DOLK: variants seen among roughly 807,000 people sequenced by gnomAD.
DOLK encodes the protein SEC59 homolog.
Under a neutral mutation model 31.7 loss-of-function variants are expected in DOLK, and 20 were observed. That is an observed-to-expected ratio of 0.63 (90% CI 0.44 to 0.92). The LOEUF (loss-of-function observed/expected upper bound fraction) is 0.92, where lower values mean the gene tolerates loss of function less well. Ranked by LOEUF, DOLK falls within the 40% of genes least tolerant of loss-of-function variation. The pLI is 0.00. For synonymous variants in DOLK, 309 were observed against 287.0 expected (o/e 1.08, Z -0.77); for missense variants, 594 against 680.7 (o/e 0.87, Z 1.42).
Position 128,946,667 on chromosome 9 carries a change from G to A in DOLK, c.637C>T (p.Leu213=). The change falls in exon 1 of 1, where the codon CTG becomes TTG. Residue 213 remains leucine (L), a synonymous_variant. Transcript: ENST00000372586. ...FVLNQLIKRS[L]TLVESQGDPV... ...TCCCCCTGACTTTCCACCAGTGTCAGAGAGCGCTTGATGAGCTGGTTGAGG... is the reference window on the plus strand; with the variant it reads ...TCCCCCTGACTTTCCACCAGTGTCAAAGAGCGCTTGATGAGCTGGTTGAGG... The A allele has an allele frequency of 3.1e-6, 5 of 1,614,138 alleles. No homozygotes were observed. Among genetic ancestry groups the A allele is most frequent in the Non-Finnish European group, 4.2e-6 (5 of 1,180,014 alleles).
chr9:128,946,264 G>A lies in DOLK; in HGVS notation c.1040C>T (p.Thr347Ile). ...RKYFHLIVVA[T>I]YIPGIIFDRP... Reference sequence around the variant, plus strand: ...GTCAAAGATGATACCTGGGATGTAGGTGGCTACCACAATGAGGTGGAAATA... The same window carrying A: ...GTCAAAGATGATACCTGGGATGTAGATGGCTACCACAATGAGGTGGAAATA... The change falls in exon 1 of 1, where the codon ACC becomes ATC. Residue 347 changes from threonine (T) to isoleucine (I), a missense_variant. Thr to Ile is a moderately conservative substitution (Grantham distance 89). Coordinates refer to ENST00000372586, the MANE Select transcript of DOLK (RefSeq NM_014908.4). The A allele has an allele frequency of 1.9e-6, 3 of 1,614,144 alleles. No individual in the cohort carries two copies. Among genetic ancestry groups the A allele is most frequent in the South Asian group, 1.1e-5 (1 of 91,086 alleles).
In DOLK at chr9:128,946,145, T is replaced by C. The variant is rs747285047; in HGVS notation, c.1159A>G (p.Thr387Ala). The C allele has an allele frequency of 5.6e-6, 9 of 1,613,810 alleles. No homozygotes were observed. Among genetic ancestry groups the C allele is most frequent in the Admixed American group, 5.0e-5 (3 of 59,964 alleles). ...AAAAGGGACAGGAAGCTCCGTAGAG[T>C]GTGACCCAAAGGCTTGATGCGGAAG... ...RYFRIKPLGH[T>A]LRSFLSLFLD... Residue 387 changes from threonine to alanine, a missense_variant, in exon 1 of 1, where the codon ACT (threonine) becomes GCT (alanine). By Grantham distance (58) the Thr-to-Ala change is moderately conservative (BLOSUM62 0). Transcript: ENST00000372586.
rs1242638210 is a variant in DOLK, at chr9:128,946,913, C to T, written c.391G>A (p.Gly131Ser). The change falls in exon 1 of 1, where the codon GGC (glycine) becomes AGC (serine). Residue 131 changes from glycine to serine, a missense_variant. By Grantham distance (56) the Gly-to-Ser change is moderately conservative. Transcript: ENST00000372586. ...VALFSSVLAL[G>S]ITRPVPTNTC... Reference sequence around the variant, plus strand: ...TTGGTTGGCACTGGGCGAGTGATGCCGAGCGCCAACACTGATGAGAAGAGG... The same window carrying T: ...TTGGTTGGCACTGGGCGAGTGATGCTGAGCGCCAACACTGATGAGAAGAGG... 10 of 1,604,392 alleles carry T rather than the reference C, an allele frequency of 6.2e-6. No individual in the cohort carries two copies. Among genetic ancestry groups the T allele is most frequent in the Non-Finnish European group, 8.5e-6 (10 of 1,179,904 alleles).
At position 128,947,187 on chromosome 9, in the gene DOLK, C is replaced by T; in HGVS notation, c.117G>A (p.Trp39Ter). Residue 39 changes from tryptophan to a stop codon, truncating the protein, a stop_gained, in exon 1 of 1, where the codon TGG becomes TGA. Coordinates refer to ENST00000372586, the MANE Select transcript of DOLK (RefSeq NM_014908.4). LOFTEE classifies it high-confidence loss of function. ...AVVLSIHATV[W>*]DRYSWCAVAL... Reference sequence around the variant, plus strand: ...CCACGGCGCACCACGAGTATCGGTCCCATACGGTTGCGTGGATGCTCAGCA... The same window carrying T: ...CCACGGCGCACCACGAGTATCGGTCTCATACGGTTGCGTGGATGCTCAGCA... 6.2e-7 allele frequency: 1 copy of T among 1,613,222 alleles called. No individual in the cohort carries two copies. The highest frequency in any genetic ancestry group is 8.5e-7 in the Non-Finnish European group (1 of 1,180,010).
In DOLK at chr9:128,945,611, A is replaced by G. The variant is rs1415686661; in HGVS notation, c.*76T>C. Reference sequence around the variant, plus strand: ...TTTCACACCTTGGCTCTTCATGCCCAAGTAGCTGTCTGCTGTGGGGACTGT... The same window carrying G: ...TTTCACACCTTGGCTCTTCATGCCCGAGTAGCTGTCTGCTGTGGGGACTGT... On this transcript the variant is annotated 3_prime_UTR_variant, in exon 1 of 1. Transcript: ENST00000372586. The G allele has an allele frequency of 3.8e-6, 6 of 1,575,760 alleles. No individual in the cohort carries two copies. The highest frequency in any genetic ancestry group is 2.7e-5 in the African/African-American group (2 of 74,014).
chr9:128,946,144 G>A lies in DOLK; in HGVS notation c.1160C>T (p.Thr387Ile), dbSNP rs1841661373. The A allele has an allele frequency of 1.9e-6, 3 of 1,614,114 alleles. No homozygotes were observed. The highest frequency in any genetic ancestry group is 2.5e-6 in the Non-Finnish European group (3 of 1,180,056). The change falls in exon 1 of 1, where the codon ACT (threonine) becomes ATT (isoleucine). Residue 387 changes from threonine (T) to isoleucine (I), a missense_variant. Physicochemically the swap from Thr to Ile is moderately conservative, Grantham distance 89 (BLOSUM62 -1). Coordinates refer to ENST00000372586, the MANE Select transcript of DOLK (RefSeq NM_014908.4). The part of the protein sequence containing the change: ...RYFRIKPLGH[T>I]LRSFLSLFLD... The stretch of plus-strand genomic sequence containing the variant: ...AAAAAGGGACAGGAAGCTCCGTAGA[G>A]TGTGACCCAAAGGCTTGATGCGGAA...
Position 128,946,206 on chromosome 9 carries a change from G to A in DOLK, c.1098C>T (p.Cys366=), listed in dbSNP as rs1588262054. ...ACTCCAGGAAGATGAAGACCGCCAGGCATACAGTGGCGGCTACATAGAGCA... is the reference window on the plus strand; with the variant it reads ...ACTCCAGGAAGATGAAGACCGCCAGACATACAGTGGCGGCTACATAGAGCA... The part of the protein sequence containing the change: ...RPLLYVAATV[C]LAVFIFLEYV... Residue 366 remains cysteine, a synonymous_variant, in exon 1 of 1, where the codon TGC becomes TGT. Coordinates refer to ENST00000372586, the MANE Select transcript of DOLK (RefSeq NM_014908.4). 1.2e-6 allele frequency: 2 copies of A among 1,614,210 alleles called. No individual in the cohort carries two copies. Among genetic ancestry groups the A allele is most frequent in the Non-Finnish European group, 1.7e-6 (2 of 1,180,050 alleles).
At position 128,946,259 on chromosome 9, in the gene DOLK, T is replaced by G. The variant is rs1332413196; in HGVS notation, c.1045A>C (p.Ile349Leu). 2.5e-6 allele frequency: 4 copies of G among 1,614,054 alleles called. No homozygotes were observed. In the Admixed American group the frequency reaches 5.0e-5, roughly 20 times the overall value. Residue 349 changes from isoleucine to leucine, a missense_variant, in exon 1 of 1, where the codon ATC becomes CTC. Coordinates refer to ENST00000372586, the MANE Select transcript of DOLK (RefSeq NM_014908.4). The part of the protein sequence containing the change: ...YFHLIVVATY[I>L]PGIIFDRPLL... ...GGCCGGTCAAAGATGATACCTGGGA[T>G]GTAGGTGGCTACCACAATGAGGTGG...
Position 128,945,969 on chromosome 9 carries a change from C to T in DOLK, c.1335G>A (p.Leu445=). 6.2e-7 allele frequency: 1 copy of T among 1,614,172 alleles called. No individual in the cohort carries two copies. Among genetic ancestry groups the T allele is most frequent in the Non-Finnish European group, 8.5e-7 (1 of 1,180,034 alleles). ...ARALVPYAGV[L]AVGVGDTVAS... ...CCACAGTATCACCCACACCCACAGC[C>T]AGGACACCGGCATAGGGGACGAGGG... The change falls in exon 1 of 1, where the codon CTG becomes CTA. Residue 445 remains leucine, a synonymous_variant. Coordinates refer to ENST00000372586, the MANE Select transcript of DOLK (RefSeq NM_014908.4).
Position 128,947,052 on chromosome 9 carries a change from G to T in DOLK, c.252C>A (p.Ala84=). The T allele has an allele frequency of 1.2e-6, 2 of 1,613,756 alleles. No individual in the cohort carries two copies. The highest frequency in any genetic ancestry group is 2.2e-5 in the South Asian group (2 of 91,086). ...RMSANSGLLP[A]SMVMPLLGLV... ...GTCCAAGCAAAGGCATGACCATGGA[G>T]GCGGGCAATAGGCCACTGTTTGCGG... is the stretch of plus-strand genomic sequence containing the variant. Residue 84 remains alanine, a synonymous_variant, in exon 1 of 1, where the codon GCC becomes GCA. Coordinates refer to ENST00000372586, the MANE Select transcript of DOLK (RefSeq NM_014908.4).
At position 128,947,325 on chromosome 9, in the gene DOLK, C is replaced by T. The variant is rs754288997; in HGVS notation, c.-22G>A. The T allele has an allele frequency of 5.2e-5, 83 of 1,611,136 alleles. No homozygotes were observed. The highest frequency in any genetic ancestry group is 6.4e-5 in the Non-Finnish European group (76 of 1,179,906). On this transcript the variant is annotated 5_prime_UTR_variant, in exon 1 of 1. In the 5' UTR this introduces an upstream ATG that the reference lacks. Transcript: ENST00000372586. ...TCATATCTCTAGACCTGGGGCTTCA[C>T]GGAGGCCGGGGCGACTACGGACGCC...
In DOLK at chr9:128,945,822, G is replaced by A. The variant is rs1233077806; in HGVS notation, c.1482C>T (p.Asp494=). The change falls in exon 1 of 1, where the codon GAC becomes GAT. Residue 494 remains aspartate, a synonymous_variant. Coordinates refer to ENST00000372586, the MANE Select transcript of DOLK (RefSeq NM_014908.4). ...IISVALILIF[D]SGVDLNYSYA... The stretch of plus-strand genomic sequence containing the variant: ...AACTGTAGTTTAGGTCCACTCCACT[G>A]TCAAAGATTAAGATCAGAGCTACAG... 5.0e-6 allele frequency: 8 copies of A among 1,614,204 alleles called. No individual in the cohort carries two copies. The South Asian group carries it at 7.7e-5, about 16-fold the overall frequency.
Position 128,947,232 on chromosome 9 carries a change from C to T in DOLK, c.72G>A (p.Ala24=), listed in dbSNP as rs752941670. ...TCAGCACCACTGCAAACACTACTGC[C>T]GCCTCTGCCAGCACCGATCCACTCA... is the stretch of plus-strand genomic sequence containing the variant. ...APLSGSVLAE[A]AVVFAVVLSI... is the part of the protein sequence containing the mutation. Residue 24 remains alanine, a synonymous_variant, in exon 1 of 1, where the codon GCG becomes GCA. Coordinates refer to ENST00000372586, the MANE Select transcript of DOLK (RefSeq NM_014908.4). 1.9e-6 allele frequency: 3 copies of T among 1,613,420 alleles called. No homozygotes were observed. Among genetic ancestry groups the T allele is most frequent in the South Asian group, 1.1e-5 (1 of 91,082 alleles).
At position 128,945,649 on chromosome 9, in the gene DOLK, T is replaced by A. The variant is rs777262623; in HGVS notation, c.*38A>T. 17 of 1,613,056 alleles carry A rather than the reference T, an allele frequency of 1.1e-5. No homozygotes were observed. The highest frequency in any genetic ancestry group is 4.0e-5 in the African/African-American group (3 of 74,904). On this transcript the variant is annotated 3_prime_UTR_variant, in exon 1 of 1. Transcript: ENST00000372586. The stretch of plus-strand genomic sequence containing the variant: ...CTGTGGGGACTGTTCACCCTCCCCA[T>A]GTCTGTTTCCTCCGTCACTGCTGCT...
At position 128,946,367 on chromosome 9, in the gene DOLK, G is replaced by C; in HGVS notation, c.937C>G (p.Leu313Val). 6.2e-7 allele frequency: 1 copy of C among 1,614,086 alleles called. No homozygotes were observed. The highest frequency in any genetic ancestry group is 8.5e-7 in the Non-Finnish European group (1 of 1,179,978). ...TTGGCATTCTGGTACAGCACCACCA[G>C]GCAGGCCAAGGTGGCCAGCAGAGAC... is the stretch of plus-strand genomic sequence containing the variant. ...YWSLLATLACLVVLYQNAKRS... is the reference protein window; with the variant it reads ...YWSLLATLACVVVLYQNAKRS... The change falls in exon 1 of 1, where the codon CTG (leucine) becomes GTG (valine). Residue 313 changes from leucine (L) to valine (V), a missense_variant. Coordinates refer to ENST00000372586, the MANE Select transcript of DOLK (RefSeq NM_014908.4).
In DOLK at chr9:128,946,432, A is replaced by G. The variant is rs1362537893; in HGVS notation, c.872T>C (p.Leu291Pro). 6.2e-7 allele frequency: 1 copy of G among 1,614,134 alleles called. No individual in the cohort carries two copies. The highest frequency in any genetic ancestry group is 1.1e-5 in the South Asian group (1 of 91,078). Residue 291 changes from leucine (L) to proline (P), a missense_variant, in exon 1 of 1, where the codon CTC becomes CCC. Transcript: ENST00000372586. ...RNPLLWLLQFLFQTDTRIYLL... is the reference protein window; with the variant it reads ...RNPLLWLLQFPFQTDTRIYLL... ...GTAGATGCGGGTGTCTGTCTGGAAGAGAAACTGAAGAAGCCAGAGCAGGGG... is the reference window on the plus strand; with the variant it reads ...GTAGATGCGGGTGTCTGTCTGGAAGGGAAACTGAAGAAGCCAGAGCAGGGG...
At position 128,947,432 on chromosome 9, in the gene DOLK, C is replaced by T; in HGVS notation, c.-129G>A. 1 of 1,261,736 alleles carries T rather than the reference C, an allele frequency of 7.9e-7. No homozygotes were observed. The highest frequency in any genetic ancestry group is 1.1e-6 in the Non-Finnish European group (1 of 889,344). The allele number at this position is 1,261,736 out of a possible 1,614,324, so 78.2% of individuals were successfully genotyped here. A position where few individuals can be genotyped will look rare whatever the true frequency, so the allele number is the denominator to read the frequency against. Reference sequence around the variant, plus strand: ...GCAACCTTCTCCCTCCGTTCTCCAGCAGCGAGGAGGGAACTCCACCGCAGG... The same window carrying T: ...GCAACCTTCTCCCTCCGTTCTCCAGTAGCGAGGAGGGAACTCCACCGCAGG... On this transcript the variant is annotated 5_prime_UTR_variant, in exon 1 of 1. Transcript: ENST00000372586.
rs771787694 is a variant in DOLK at position 128,947,284 on chromosome 9, G to A, written c.20C>T (p.Ser7Phe). Reference sequence around the variant, plus strand: ...CGGAGCCCCAGGCCCCGGGGCCGGAGATGGGCACTCTCGGGTCATATCTCT... The same window carrying A: ...CGGAGCCCCAGGCCCCGGGGCCGGAAATGGGCACTCTCGGGTCATATCTCT... MTRECPSPAPGPGAPLS... is the reference protein window; with the variant it reads MTRECPFPAPGPGAPLS... The change falls in exon 1 of 1, where the codon TCT becomes TTT. Residue 7 changes from serine to phenylalanine, a missense_variant. By Grantham distance (155) the Ser-to-Phe change is radical. Coordinates refer to ENST00000372586, the MANE Select transcript of DOLK (RefSeq NM_014908.4). 6.2e-7 allele frequency: 1 copy of A among 1,612,986 alleles called. No individual in the cohort carries two copies. Among genetic ancestry groups the A allele is most frequent in the South Asian group, 1.1e-5 (1 of 91,050 alleles).
rs761583636 is a variant in DOLK at position 128,946,430 on chromosome 9, A to T, written c.874T>A (p.Phe292Ile). ...NPLLWLLQFLFQTDTRIYLLA... is the reference protein window; with the variant it reads ...NPLLWLLQFLIQTDTRIYLLA... ...AGGTAGATGCGGGTGTCTGTCTGGAAGAGAAACTGAAGAAGCCAGAGCAGG... is the reference window on the plus strand; with the variant it reads ...AGGTAGATGCGGGTGTCTGTCTGGATGAGAAACTGAAGAAGCCAGAGCAGG... The change falls in exon 1 of 1, where the codon TTC (phenylalanine) becomes ATC (isoleucine). Residue 292 changes from phenylalanine (F) to isoleucine (I), a missense_variant. Physicochemically the swap from Phe to Ile is conservative, Grantham distance 21 (BLOSUM62 0). Transcript: ENST00000372586. 1 of 1,614,096 alleles carries T rather than the reference A, an allele frequency of 6.2e-7. No homozygotes were observed. The highest frequency in any genetic ancestry group is 8.5e-7 in the Non-Finnish European group (1 of 1,180,018).
Sources: allele counts gnomAD v4.1 joint callset, GRCh38; gene constraint gnomAD v4.1.1; transcripts MANE v1.5; gene names NCBI Gene and HGNC (gene_info 2026-07-23, HGNC 2026-07-21).